Variants in IQGAP2 observed in about 807,000 individuals in gnomAD.
The protein encoded by IQGAP2 is ras GTPase-activating-like protein IQGAP2.
IQGAP2 carries 173 observed loss-of-function variants against 201.3 expected under a neutral mutation model. The observed-to-expected ratio is 0.86, with a 90% CI of 0.76 to 0.98. IQGAP2 has a LOEUF of 0.98. Among genes scored for constraint, IQGAP2 ranks in the 50% least tolerant of loss-of-function variants. The pLI is 0.00. For synonymous variants in IQGAP2, 675 were observed against 673.9 expected, an observed-to-expected ratio of 1.00 and a Z score of -0.03; for missense variants, 1,687 against 1,864.8, an observed-to-expected ratio of 0.90 and a Z score of 1.76.
chr5:76,631,763 A>G (rs972198691), intron 14 of IQGAP2, 96 bp from the exon 15 acceptor site: 1 of 862,300 alleles, frequency 1.2e-6, no homozygotes, highest in Non-Finnish European at 1.7e-6. Context: ...AATGTTTGAT[A>G]CTAATGCATT....
chr5:76,429,076 C>CA (rs58775525), intron 1 of IQGAP2, among the ~76,000 whole-genome samples: 9,229 of 138,332 alleles, frequency 0.067, 885 homozygotes, highest in African/African-American at 0.22. Context: ...GACTCTGTCT[C>CA]AAAAAAAAAA....
intron 2 of IQGAP2, among the ~76,000 whole-genome samples, chr5:76,496,511 C>T (rs1756897719): frequency 6.6e-6 from 1 of 152,168 alleles, no homozygotes; most frequent in South Asian, 2.1e-4. Flanking sequence ...AGTCTGTCCC[C>T]CTTGCCATCT....
chr5:76,451,171 G>T (rs1009000228), intron 1 of IQGAP2, among the ~76,000 whole-genome samples: 1 of 152,082 alleles, frequency 6.6e-6, no homozygotes, highest in Non-Finnish European at 1.5e-5. Context: ...TGACTTTCTG[G>T]TGCCAAGCCA....
At chr5:76,634,967 C>T (rs2150391090) in intron 15 of IQGAP2, among the ~76,000 whole-genome samples, 1 of 152,312 alleles carries the variant, frequency 6.6e-6, no homozygotes, top group East Asian at 1.9e-4. Flanking sequence ...AAGTAGCTCT[C>T]CTCAGCCTCT....
intron 1 of IQGAP2, among the ~76,000 whole-genome samples, chr5:76,446,109 T>G (rs1407955189): frequency 6.6e-6 from 1 of 152,226 alleles, no homozygotes; most frequent in African/African-American, 2.4e-5. Context: ...CTTGAGTTGC[T>G]TCTTCCTTTT....
Position 76,575,754 on chromosome 5 carries a change from G to T in IQGAP2, c.443G>T (p.Cys148Phe). The change falls in exon 5 of 36, where the codon TGC (cysteine) becomes TTC (phenylalanine). Residue 148 changes from cysteine to phenylalanine, a missense_variant. Coordinates refer to ENST00000274364, the MANE Select transcript of IQGAP2 (RefSeq NM_006633.5). ...AAAAACATACCAAGAATGATATATTGCATTCACGCACTGAGGTAGGGGGAA... is the reference window on the plus strand; with the variant it reads ...AAAAACATACCAAGAATGATATATTTCATTCACGCACTGAGGTAGGGGGAA... ...DRKNIPRMIY[C>F]IHALSLYLFK... The T allele has an allele frequency of 6.3e-7, 1 of 1,582,786 alleles. No individual in the cohort carries two copies. The highest frequency in any genetic ancestry group is 8.6e-7 in the Non-Finnish European group (1 of 1,160,716).
At chr5:76,663,026 T>G (rs1743402587) in intron 21 of IQGAP2, among the ~76,000 whole-genome samples, 2 of 152,228 alleles carry the variant, frequency 1.3e-5, no homozygotes, top group Non-Finnish European at 2.9e-5. Context: ...CCTAGAGCTC[T>G]GGACCCCAGC....
At chr5:76,468,229 G>A (rs1561394361) in intron 2 of IQGAP2, among the ~76,000 whole-genome samples, 1 of 152,018 alleles carries the variant, frequency 6.6e-6, no homozygotes, top group Non-Finnish European at 1.5e-5. Flanking sequence ...CATATAGAAG[G>A]TACCCCTAAG....
At chr5:76,505,590 T>C (rs980959221) in intron 2 of IQGAP2, among the ~76,000 whole-genome samples, 2 of 152,178 alleles carry the variant, frequency 1.3e-5, no homozygotes, top group African/African-American at 2.4e-5. Flanking sequence ...AGTAACAAGC[T>C]TGGGGAGCTG....
At chr5:76,637,270 A>C in intron 16 of IQGAP2, 94 bp downstream of exon 16, 1 of 1,032,158 alleles carries the variant, frequency 9.7e-7, no homozygotes. Context: ...GAGAGGAACT[A>C]ACTGATTTAT....
intron 2 of IQGAP2, among the ~76,000 whole-genome samples, chr5:76,489,910 CAT>C (rs1393771106): frequency 2.6e-5 from 4 of 152,238 alleles, no homozygotes; most frequent in African/African-American, 9.6e-5. Flanking sequence ...CCACACCACA[CAT>C]ATGCACACTG....
At chr5:76,589,581 T>C (rs374025250) in intron 6 of IQGAP2, 34 bp from the exon 7 acceptor site, 197 of 1,219,924 alleles carry the variant, frequency 1.6e-4, no homozygotes, top group South Asian at 4.0e-4. Flanking sequence ...TAGCTTTCTC[T>C]GATAATGATT....
chr5:76,574,705 A>G (rs1347038780), intron 4 of IQGAP2, among the ~76,000 whole-genome samples: 1 of 152,224 alleles, frequency 6.6e-6, no homozygotes, highest in East Asian at 1.9e-4. Context: ...AAAATAAAAC[A>G]TGTTAGAAAA....
intron 1 of IQGAP2, among the ~76,000 whole-genome samples, chr5:76,428,939 AT>A (rs1207142581): frequency 1.1e-4 from 17 of 151,944 alleles, no homozygotes; most frequent in Non-Finnish European, 1.3e-4. Flanking sequence ...CTAAAAATAC[AT>A]AAATTAGCCA....
intron 1 of IQGAP2, among the ~76,000 whole-genome samples, chr5:76,447,829 AAC>A (rs1436751176): frequency 8.5e-5 from 13 of 152,296 alleles, no homozygotes; most frequent in Non-Finnish European, 1.6e-4. Flanking sequence ...TAAATACTGA[AAC>A]ACAGATAAAT....
intron 5 of IQGAP2, among the ~76,000 whole-genome samples, chr5:76,576,007 A>G (rs1745446959): frequency 6.6e-6 from 1 of 152,222 alleles, no homozygotes; most frequent in African/African-American, 2.4e-5. Flanking sequence ...CCAGAAAATG[A>G]TTGAAAACCA....
At chr5:76,469,653 A>C (rs1754998604) in intron 2 of IQGAP2, among the ~76,000 whole-genome samples, 1 of 152,092 alleles carries the variant, frequency 6.6e-6, no homozygotes, top group African/African-American at 2.4e-5. Flanking sequence ...ATCCGCCTGC[A>C]TTGGCCTCCA....
At chr5:76,703,927 A>C (rs1747652011) in intron 35 of IQGAP2, among the ~76,000 whole-genome samples, 1 of 152,162 alleles carries the variant, frequency 6.6e-6, no homozygotes, top group African/African-American at 2.4e-5. Context: ...CATGCACTGG[A>C]ATTACTTCCC....
chr5:76,490,987 CTTTTT>C (rs767214200), intron 2 of IQGAP2, among the ~76,000 whole-genome samples: 1 of 113,006 alleles, frequency 8.8e-6, no homozygotes. Flanking sequence ...AGATTTTCAT[CTTTTT>C]TTTTTTTTTT....
Sources: gnomAD v4.1 joint callset for allele counts (sites outside exome capture counted in the v4.1 genomes callset) on GRCh38, gnomAD v4.1.1 for gene constraint, MANE v1.5 for transcripts, NCBI Gene and HGNC (gene_info 2026-07-23, HGNC 2026-07-21) for gene names.